The following ADGRL1 variants were observed in gnomAD, a reference collection of about 807,000 sequenced individuals.
ADGRL1 encodes adhesion G protein-coupled receptor L1.
Under a neutral mutation model 148.9 loss-of-function variants are expected in ADGRL1, and 31 were observed. The ratio of observed to expected loss-of-function variants is 0.21; its 90% confidence interval spans 0.16 to 0.28. The LOEUF is 0.28. Ranked by LOEUF, ADGRL1 falls within the 10% of genes least tolerant of loss-of-function variation. ADGRL1 has a pLI of 1.00. For missense variants in ADGRL1, 1,521 were observed against 2,058.8 expected (o/e 0.74, Z 5.05); for synonymous variants, 937 against 900.3 (o/e 1.04, Z -0.73).
At position 14,162,414 on chromosome 19, in the gene ADGRL1, T is replaced by C. The variant is rs73925767; in HGVS notation, c.1195+192A>G. Among the ~76,000 whole-genome samples the C allele has an allele frequency of 1.6e-4, 25 of 152,322 alleles. No homozygotes were observed. The highest frequency in any genetic ancestry group is 5.1e-4 in the African/African-American group (21 of 41,560). On this transcript the variant is annotated intron_variant, in intron 5 of 22. Coordinates refer to ENST00000361434, the MANE Select transcript of ADGRL1 (RefSeq NM_014921.5). The surrounding 1 kb of genome is among the most constrained non-coding windows in gnomAD (Gnocchi z 5.4). ...CAGGGCAGTAAGGATCCCTGTGTCA[T>C]AGACCGTGAGGAGACGAGTTAATGA...
chr19:14,204,842 G>T (rs184714069), intron 1 of ADGRL1, among the ~76,000 whole-genome samples: 1 of 152,058 alleles, frequency 6.6e-6, no homozygotes, highest in Non-Finnish European at 1.5e-5. Flanking sequence ...AGTGGGATGT[G>T]GGAAGACAGA....
chr19:14,177,731 G>A lies in ADGRL1; in HGVS notation c.84C>T (p.Ala28=), dbSNP rs142997381. ...GGCGCATCAGCCCGAACGGGAGCCC[G>A]GCCCGGCTCAGGCCTGCAGGGAGGG... ...VTSATQGLSR[A]GLPFGLMRRE... is the part of the protein sequence containing the mutation. The change falls in exon 3 of 23, where the codon GCC becomes GCT. Residue 28 remains alanine, a synonymous_variant. Transcript: ENST00000361434. 1.3e-4 allele frequency: 210 copies of A among 1,611,752 alleles called. No homozygotes were observed. In the African/African-American group the frequency reaches 2.2e-3, roughly 17 times the overall value.
intron 1 of ADGRL1, among the ~76,000 whole-genome samples, chr19:14,205,505 C>T (rs968624015): frequency 6.6e-6 from 1 of 152,030 alleles, no homozygotes; most frequent in African/African-American, 2.4e-5. Flanking sequence ...GACACGGCTC[C>T]TCTGGGGCGC....
rs1285015640 is a variant in ADGRL1 at position 14,160,930 on chromosome 19, CT to C, written c.1511-235del. On this transcript the variant is annotated intron_variant, in intron 6 of 22. Coordinates refer to ENST00000361434, the MANE Select transcript of ADGRL1 (RefSeq NM_014921.5). The surrounding 1 kb of genome is among the most constrained non-coding windows in gnomAD (Gnocchi z 5.9). ...CTGTCTTTGCCTCCAGAGTTAGAAC[CT>C]TCCAGCAAGGCCCATCTTGAACGCC... 2.0e-5 allele frequency among the ~76,000 whole-genome samples: 3 copies of C among 152,162 alleles called. No individual in the cohort carries two copies. The highest frequency in any genetic ancestry group is 2.9e-5 in the Non-Finnish European group (2 of 68,018).
rs146176365 is a variant in ADGRL1, at chr19:14,162,991, G to A, written c.810C>T (p.Asn270=). 56 of 1,613,872 alleles carry A rather than the reference G, an allele frequency of 3.5e-5. 1 individual carries two copies. The highest frequency in any genetic ancestry group is 1.6e-4 in the Middle Eastern group (1 of 6,084). Residue 270 remains asparagine (N), a synonymous_variant, in exon 5 of 23, where the codon AAC becomes AAT. Coordinates refer to ENST00000361434, the MANE Select transcript of ADGRL1 (RefSeq NM_014921.5). The surrounding 1 kb of genome is among the most constrained non-coding windows in gnomAD (Gnocchi z 5.4). ...CAGTGGCGTAGATGACCCACAGCCC[G>A]TTCTCGTCCACCGCCAGGTCAATGT... ...KTDIDLAVDE[N]GLWVIYATEG...
chr19:14,190,839 G>A (rs1348065309), intron 1 of ADGRL1, among the ~76,000 whole-genome samples: 2 of 152,124 alleles, frequency 1.3e-5, no homozygotes, highest in Admixed American at 6.5e-5. Flanking sequence ...TGTAATCCCA[G>A]CACTTTGGGA....
chr19:14,171,968 C>T (rs574839755), intron 3 of ADGRL1, among the ~76,000 whole-genome samples: 13 of 152,160 alleles, frequency 8.5e-5, no homozygotes, highest in Non-Finnish European at 1.8e-4. Context: ...GCAGAAGAGG[C>T]CCTGTGTCTC....
At position 14,163,017 on chromosome 19, in the gene ADGRL1, C is replaced by T. The variant is rs754337983; in HGVS notation, c.784G>A (p.Asp262Asn). The T allele has an allele frequency of 1.2e-6, 2 of 1,614,114 alleles. No individual in the cohort carries two copies. Among genetic ancestry groups the T allele is most frequent in the Non-Finnish European group, 8.5e-7 (1 of 1,180,022 alleles). ...TTCTCGTCCACCGCCAGGTCAATGT[C>T]GGTCTTTCCGCCCCAGCGGTAGGGC... The part of the protein sequence containing the change: ...TSPYRWGGKT[D>N]IDLAVDENGL... Residue 262 changes from aspartate to asparagine, a missense_variant, in exon 5 of 23, where the codon GAC becomes AAC. Asp to Asn is a conservative substitution (Grantham distance 23, BLOSUM62 1). This residue lies in a region of ADGRL1 where 334 missense variants were observed against 512.5 expected (regional missense o/e 0.65). Coordinates refer to ENST00000361434, the MANE Select transcript of ADGRL1 (RefSeq NM_014921.5).
rs370298611 is a variant in ADGRL1 at position 14,157,595 on chromosome 19, C to T, written c.2536-135G>A. On this transcript the variant is annotated intron_variant, in intron 13 of 22. Transcript: ENST00000361434. The surrounding 1 kb of genome is among the most constrained non-coding windows in gnomAD (Gnocchi z 7.5). ...CTCTGGTGCCGCCAACCTGGCAGCC[C>T]TCACCCCTCTGCACGCAGCAATGCG... The T allele has an allele frequency of 9.4e-5, 82 of 873,764 alleles. 2 individuals carry two copies. The East Asian group carries it at 2.0e-3, about 22-fold the overall frequency. The allele number at this position is 873,764 out of a possible 1,614,324, so 54.1% of individuals were successfully genotyped here. A position where few individuals can be genotyped will look rare whatever the true frequency, so the allele number is the denominator to read the frequency against.
In ADGRL1 at chr19:14,159,317, G is replaced by C. The variant is rs1158593871; in HGVS notation, c.2023+84C>G. On this transcript the variant is annotated intron_variant, in intron 10 of 22. Coordinates refer to ENST00000361434, the MANE Select transcript of ADGRL1 (RefSeq NM_014921.5). This position sits in a 1 kb window ranked among gnomAD's most constrained non-coding sequence, Gnocchi z 6.0. ...ACTCTGGCAAGATGCCCAAGGGTCG[G>C]ATAGCCCCCCTGTGGCCTCCAGGCC... 2 of 1,573,398 alleles carry C rather than the reference G, an allele frequency of 1.3e-6. No homozygotes were observed. Among genetic ancestry groups the C allele is most frequent in the East Asian group, 2.3e-5 (1 of 44,342 alleles).
Position 14,159,152 on chromosome 19 carries a change from T to C in ADGRL1, c.2087A>G (p.Glu696Gly). ...QVQELVFPQEEYPRKNSIQLS... is the reference protein window; with the variant it reads ...QVQELVFPQEGYPRKNSIQLS... The stretch of plus-strand genomic sequence containing the variant: ...CTGGATGGAGTTCTTTCTCGGGTAC[T>C]CCTCCTGGGGGAACACCAGCTCCTG... The change falls in exon 11 of 23, where the codon GAG becomes GGG. Residue 696 changes from glutamate (E) to glycine (G), a missense_variant. Coordinates refer to ENST00000361434, the MANE Select transcript of ADGRL1 (RefSeq NM_014921.5). This position sits in a 1 kb window ranked among gnomAD's most constrained non-coding sequence, Gnocchi z 6.0. The C allele has an allele frequency of 6.2e-7, 1 of 1,614,068 alleles. No individual in the cohort carries two copies. The highest frequency in any genetic ancestry group is 8.5e-7 in the Non-Finnish European group (1 of 1,180,000).
chr19:14,197,896 G>A (rs1599521165), intron 1 of ADGRL1, among the ~76,000 whole-genome samples: 1 of 152,164 alleles, frequency 6.6e-6, no homozygotes, highest in Non-Finnish European at 1.5e-5. Context: ...GATGTTTACC[G>A]AGTTCCCAAC....
At chr19:14,203,257 G>C (rs1972734609) in intron 1 of ADGRL1, among the ~76,000 whole-genome samples, 1 of 152,208 alleles carries the variant, frequency 6.6e-6, no homozygotes, top group Non-Finnish European at 1.5e-5. Flanking sequence ...AGATCCGTGA[G>C]AGGAACCCAC....
rs1228737927 is a variant in ADGRL1, at chr19:14,177,723, G to A, written c.92C>T (p.Pro31Leu). ...CAGCTCCCGGCGCATCAGCCCGAAC[G>A]GGAGCCCGGCCCGGCTCAGGCCTGC... ...ATQGLSRAGL[P>L]FGLMRRELAC... The change falls in exon 3 of 23, where the codon CCG (proline) becomes CTG (leucine). Residue 31 changes from proline to leucine, a missense_variant. By Grantham distance (98) the Pro-to-Leu change is moderately conservative. Transcript: ENST00000361434. 3.7e-6 allele frequency: 6 copies of A among 1,612,538 alleles called. No individual in the cohort carries two copies. The highest frequency in any genetic ancestry group is 2.2e-5 in the East Asian group (1 of 44,890).
chr19:14,187,573 C>CG (rs1971657147), intron 1 of ADGRL1, among the ~76,000 whole-genome samples: 1 of 144,358 alleles, frequency 6.9e-6, no homozygotes, highest in Non-Finnish European at 1.5e-5. Context: ...TAAATCCCCC[C>CG]CAGCTACCTC....
chr19:14,182,154 G>C (rs1409269032), intron 2 of ADGRL1, among the ~76,000 whole-genome samples: 1 of 152,248 alleles, frequency 6.6e-6, no homozygotes, highest in Non-Finnish European at 1.5e-5. Flanking sequence ...GAGGGGCAGA[G>C]AGGACAATTC....
rs1968950452 is a variant in ADGRL1, at chr19:14,158,071, A to G, written c.2365-19T>C. On this transcript the variant is annotated intron_variant, in intron 12 of 22. Transcript: ENST00000361434. ...TCTTGTCCTGTTGTGTGGTGGCACC[A>G]GGGTGTCATAACTAGAGTCAGAACC... The G allele has an allele frequency of 1.2e-6, 2 of 1,613,442 alleles. No individual in the cohort carries two copies. Among genetic ancestry groups the G allele is most frequent in the Non-Finnish European group, 1.7e-6 (2 of 1,179,546 alleles).
intron 2 of ADGRL1, 75 bp downstream of exon 2, chr19:14,183,458 G>T (rs1052897659): frequency 1.6e-4 from 214 of 1,344,670 alleles, no homozygotes; most frequent in Non-Finnish European, 2.1e-4. Flanking sequence ...GATCAGGAGG[G>T]TTTTCAACAT....
At chr19:14,174,255 G>C (rs1396870220) in intron 3 of ADGRL1, among the ~76,000 whole-genome samples, 1 of 152,200 alleles carries the variant, frequency 6.6e-6, no homozygotes, top group Non-Finnish European at 1.5e-5. Flanking sequence ...GGCTCCCAGG[G>C]AGGGGGCCCA....
Sources: allele counts gnomAD v4.1 joint callset (sites outside exome capture counted in the v4.1 genomes callset), GRCh38; gene constraint gnomAD v4.1.1; regional missense constraint gnomAD v4.1.1; non-coding constraint Gnocchi (gnomAD v3.1); transcripts MANE v1.5; gene names NCBI Gene and HGNC (gene_info 2026-07-23, HGNC 2026-07-21).